Variants in EXT2 observed in about 807,000 individuals in gnomAD.
EXT2 encodes the protein exostosin-2.
EXT2 carries 53 observed loss-of-function variants against 81.6 expected under a neutral mutation model. That is an observed-to-expected ratio of 0.65 (90% CI 0.52 to 0.82). The LOEUF is 0.82. Ranked by LOEUF, EXT2 falls within the 40% of genes least tolerant of loss-of-function variation. The probability of loss-of-function intolerance (pLI) is 0.00; values close to 1 mark genes in which losing one functional copy is unlikely to be tolerated. For missense variants in EXT2, 774 were observed against 910.2 expected (o/e 0.85, Z 1.93); for synonymous variants, 320 against 340.0 (o/e 0.94, Z 0.65).
chr11:44,184,911 G>C (rs995032244), intron 8 of EXT2, among the ~76,000 whole-genome samples: 1 of 152,126 alleles, frequency 6.6e-6, no homozygotes, highest in African/African-American at 2.4e-5. Context: ...AAGATGAATG[G>C]CTCATATTTT....
At chr11:44,207,061 A>G in intron 10 of EXT2, 102 bp downstream of exon 10, 1 of 1,372,644 alleles carries the variant, frequency 7.3e-7, no homozygotes, top group Non-Finnish European at 1.0e-6. Flanking sequence ...TAAAAGTCAG[A>G]GTTTCTAAAA....
chr11:44,127,132 G>T (rs1954419353), intron 6 of EXT2, among the ~76,000 whole-genome samples, 177 bp downstream of exon 6: 1 of 152,216 alleles, frequency 6.6e-6, no homozygotes, highest in Non-Finnish European at 1.5e-5. Context: ...ACCAAGGCCA[G>T]TTTGCAGGCT....
At chr11:44,144,694 C>G (rs1218734269) in intron 7 of EXT2, among the ~76,000 whole-genome samples, 1 of 152,138 alleles carries the variant, frequency 6.6e-6, no homozygotes, top group Non-Finnish European at 1.5e-5. Flanking sequence ...CTGTCACATG[C>G]CAAGAAACAT....
chr11:44,127,004 T>G, intron 6 of EXT2, 49 bp downstream of exon 6: 1 of 1,607,636 alleles, frequency 6.2e-7, no homozygotes, highest in Non-Finnish European at 8.5e-7. Context: ...CTGCGTATAT[T>G]ACAAATAAAA....
At chr11:44,228,462 A>G (rs1218761324) in intron 10 of EXT2, among the ~76,000 whole-genome samples, 1 of 152,214 alleles carries the variant, frequency 6.6e-6, no homozygotes, top group Non-Finnish European at 1.5e-5. Context: ...GGCTGGGAAA[A>G]TGCTTTACTG....
intron 8 of EXT2, among the ~76,000 whole-genome samples, chr11:44,174,131 G>A (rs1955121374): frequency 6.6e-6 from 1 of 152,172 alleles, no homozygotes; most frequent in South Asian, 2.1e-4. Context: ...GGTGAGAAAT[G>A]ATCTTCATGT....
At chr11:44,242,157 T>G (rs975309939) in intron 13 of EXT2, among the ~76,000 whole-genome samples, 3 of 152,246 alleles carry the variant, frequency 2.0e-5, no homozygotes, top group African/African-American at 7.2e-5. Context: ...ACGTACTTGC[T>G]AGTACCTATG....
intron 8 of EXT2, among the ~76,000 whole-genome samples, chr11:44,187,545 G>A (rs1327739620): frequency 2.0e-5 from 3 of 152,114 alleles, no homozygotes; most frequent in Admixed American, 6.5e-5. Flanking sequence ...TGATATACAT[G>A]GAAGCATTTT....
In EXT2 at chr11:44,246,946, T is replaced by C. The variant is rs527885712; in HGVS notation, c.*2659T>C. ...GAAATCTTTTTAAAGAAACACATCT[T>C]ACTGGCCTATAGAGAAGACGAACTT... On this transcript the variant is annotated 3_prime_UTR_variant, in exon 14 of 14. Coordinates refer to ENST00000533608, the MANE Select transcript of EXT2 (RefSeq NM_207122.2). Among the ~76,000 whole-genome samples, 43 of 152,362 alleles carry C rather than the reference T, an allele frequency of 2.8e-4. 2 individuals are homozygous for C. The South Asian group carries it at 8.7e-3, about 31-fold the overall frequency.
intron 13 of EXT2, 103 bp from the exon 14 acceptor site, chr11:44,244,046 C>G: frequency 1.9e-6 from 2 of 1,034,576 alleles, no homozygotes; most frequent in Non-Finnish European, 3.1e-6. Context: ...ATGTATTTTG[C>G]TGTTATCTCT....
At chr11:44,099,503 G>A (rs981166365) in intron 1 of EXT2, among the ~76,000 whole-genome samples, 1 of 150,360 alleles carries the variant, frequency 6.7e-6, no homozygotes, top group African/African-American at 2.5e-5. Flanking sequence ...ATATTTTTTA[G>A]TAGAGACAGG....
chr11:44,184,252 G>C (rs10838244), intron 8 of EXT2, among the ~76,000 whole-genome samples: 39,273 of 152,102 alleles, frequency 0.26, 6,221 homozygotes, highest in Admixed American at 0.44. Context: ...GTGAAAACAT[G>C]CTGTTCCAGG....
intron 8 of EXT2, among the ~76,000 whole-genome samples, chr11:44,180,066 A>G (rs1348920224): frequency 6.6e-6 from 1 of 152,118 alleles, no homozygotes; most frequent in Non-Finnish European, 1.5e-5. Context: ...GTTTTAGAAA[A>G]TAGTGCGGCT....
chr11:44,107,913 G>A lies in EXT2; in HGVS notation c.201G>A (p.Pro67=), dbSNP rs201374853. 8.4e-5 allele frequency: 135 copies of A among 1,614,190 alleles called. No homozygotes were observed. The East Asian group carries it at 2.5e-3, about 30-fold the overall frequency. ...NVEKRSIRDV[P]VVRLPADSPI... ...AGAAGCGCAGCATCCGTGATGTGCC[G>A]GTTGTTAGGCTGCCAGCCGACAGTC... Residue 67 remains proline (P), a synonymous_variant, in exon 2 of 14, where the codon CCG becomes CCA. Transcript: ENST00000533608.
chr11:44,152,309 T>C (rs560698006), intron 7 of EXT2, among the ~76,000 whole-genome samples: 69 of 152,274 alleles, frequency 4.5e-4, no homozygotes, highest in African/African-American at 1.6e-3. Flanking sequence ...GCCATCTAGG[T>C]TTTCTCCTAA....
At chr11:44,142,710 C>A (rs1293497730) in intron 7 of EXT2, among the ~76,000 whole-genome samples, 1 of 152,144 alleles carries the variant, frequency 6.6e-6, no homozygotes, top group Non-Finnish European at 1.5e-5. Flanking sequence ...TTGAGGGCAG[C>A]AGTGTGGTAT....
At chr11:44,170,763 C>A (rs1955059322) in intron 7 of EXT2, among the ~76,000 whole-genome samples, 1 of 151,574 alleles carries the variant, frequency 6.6e-6, no homozygotes, top group African/African-American at 2.4e-5. Context: ...CATGCATAAT[C>A]CTATGGCTAT....
chr11:44,164,476 CT>C (rs1442586666), intron 7 of EXT2, among the ~76,000 whole-genome samples: 5 of 152,338 alleles, frequency 3.3e-5, no homozygotes, highest in Admixed American at 2.0e-4. Context: ...ACTGGCTTCT[CT>C]TAAATACTTA....
At chr11:44,191,604 A>G (rs1212294615) in intron 8 of EXT2, among the ~76,000 whole-genome samples, 1 of 152,192 alleles carries the variant, frequency 6.6e-6, no homozygotes. Context: ...GCTTGATTTC[A>G]TGCAGAAAGT....
Sources: allele counts gnomAD v4.1 joint callset (sites outside exome capture counted in the v4.1 genomes callset), GRCh38; gene constraint gnomAD v4.1.1; transcripts MANE v1.5; gene names NCBI Gene and HGNC (gene_info 2026-07-23, HGNC 2026-07-21).